The following ARHGEF10 variants were observed in gnomAD, a reference collection of about 807,000 sequenced individuals.
ARHGEF10 encodes the protein Rho guanine nucleotide exchange factor 10, also known as Rho guanine nucleotide exchange factor (GEF) 10.
In ARHGEF10, 140 loss-of-function variants were observed where a neutral mutation model predicts 147.4. That is an observed-to-expected ratio of 0.95 (90% CI 0.83 to 1.09). The LOEUF is 1.09. Ranked by LOEUF, ARHGEF10 falls within the 50% of genes least tolerant of loss-of-function variation. The pLI is 0.00. For synonymous variants in ARHGEF10, 902 were observed against 695.8 expected (o/e 1.30, Z -4.67); for missense variants, 2,222 against 1,752.7 (o/e 1.27, Z -4.78).
chr8:1,863,436 C>A (rs1288630068), intron 4 of ARHGEF10, among the ~76,000 whole-genome samples: 1 of 152,228 alleles, frequency 6.6e-6, no homozygotes, highest in Admixed American at 6.5e-5. Flanking sequence ...CGGTTGAGAA[C>A]TGTTGCTCAT....
Position 1,834,437 on chromosome 8 carries a change from GGA to G in ARHGEF10, c.-47-8910_-47-8909del, listed in dbSNP as rs375644170. 8.3e-3 allele frequency among the ~76,000 whole-genome samples: 1,267 copies of G among 152,204 alleles called. 11 individuals are homozygous for G. The highest frequency in any genetic ancestry group is 0.013 in the Non-Finnish European group (852 of 68,004). On this transcript the variant is annotated intron_variant, in intron 1 of 28. Transcript: ENST00000349830. ...GAGACACAGGCCCAGGGAGGACCCT[GGA>G]GAGAGGGGCTGCTGGGTGCCATGCG...
chr8:1,949,172 C>G (rs1814828930), intron 27 of ARHGEF10, among the ~76,000 whole-genome samples: 1 of 152,194 alleles, frequency 6.6e-6, no homozygotes, highest in Non-Finnish European at 1.5e-5. Context: ...TAACTCATGC[C>G]TTTTGTGTAA....
chr8:1,916,920 C>T (rs964145008), intron 18 of ARHGEF10, among the ~76,000 whole-genome samples: 1 of 152,176 alleles, frequency 6.6e-6, no homozygotes, highest in Non-Finnish European at 1.5e-5. Flanking sequence ...GTCCGTATAC[C>T]ACAGTTCTCT....
intron 13 of ARHGEF10, among the ~76,000 whole-genome samples, chr8:1,895,922 G>T (rs1033032783): frequency 2.0e-5 from 3 of 152,156 alleles, no homozygotes; most frequent in African/African-American, 4.8e-5. Flanking sequence ...CATTTCTAGG[G>T]TGTGGTTGAG....
At chr8:1,891,879 C>T (rs1359882799) in intron 11 of ARHGEF10, among the ~76,000 whole-genome samples, 3 of 151,588 alleles carry the variant, frequency 2.0e-5, no homozygotes, top group Non-Finnish European at 4.4e-5. Flanking sequence ...TAATATTATA[C>T]CTATTCCAGA....
Position 1,957,153 on chromosome 8 carries a change from G to A in ARHGEF10, c.3925G>A (p.Val1309Ile). Residue 1309 changes from valine to isoleucine, a missense_variant, in exon 29 of 29, where the codon GTC becomes ATC. Coordinates refer to ENST00000349830, the MANE Select transcript of ARHGEF10 (RefSeq NM_014629.4). ...KKAKASSALVVCGGQGHRRVH... is the reference protein window; with the variant it reads ...KKAKASSALVICGGQGHRRVH... Reference sequence around the variant, plus strand: ...AGCCAAGGCCAGCTCGGCGCTGGTGGTCTGTGGAGGGCAGGGCCACCGCCG... The same window carrying A: ...AGCCAAGGCCAGCTCGGCGCTGGTGATCTGTGGAGGGCAGGGCCACCGCCG... The A allele has an allele frequency of 6.2e-7, 1 of 1,612,778 alleles. No homozygotes were observed. Among genetic ancestry groups the A allele is most frequent in the Non-Finnish European group, 8.5e-7 (1 of 1,180,036 alleles).
At chr8:1,888,083 C>T (rs1177587285) in intron 11 of ARHGEF10, among the ~76,000 whole-genome samples, 4 of 130,852 alleles carry the variant, frequency 3.1e-5, no homozygotes, top group Non-Finnish European at 4.9e-5. Flanking sequence ...TATGAGGAGA[C>T]ACTAGGTAGG....
chr8:1,844,562 G>A (rs1011500105), intron 2 of ARHGEF10, among the ~76,000 whole-genome samples: 5 of 149,040 alleles, frequency 3.4e-5, no homozygotes, highest in African/African-American at 1.2e-4. Context: ...AACCAGGCCT[G>A]GAAGTCCAGC....
In ARHGEF10 at chr8:1,948,854, C is replaced by T. The variant is rs932249230; in HGVS notation, c.3397+3199C>T. On this transcript the variant is annotated intron_variant, in intron 27 of 28. Coordinates refer to ENST00000349830, the MANE Select transcript of ARHGEF10 (RefSeq NM_014629.4). This position sits in a 1 kb window ranked among gnomAD's most constrained non-coding sequence, Gnocchi z 4.9. The stretch of plus-strand genomic sequence containing the variant: ...GGCATGCTCATACCGTGCTGAAGTG[C>T]GCGGATGCTGAGGTCGCCGGGCCGT... 6.6e-6 allele frequency among the ~76,000 whole-genome samples: 1 copy of T among 152,152 alleles called. No individual in the cohort carries two copies. Among genetic ancestry groups the T allele is most frequent in the Non-Finnish European group, 1.5e-5 (1 of 68,036 alleles).
Position 1,914,189 on chromosome 8 carries a change from C to T in ARHGEF10, c.2143+4719C>T, listed in dbSNP as rs1447289139. 2.0e-5 allele frequency among the ~76,000 whole-genome samples: 3 copies of T among 152,346 alleles called. No homozygotes were observed. The South Asian group carries it at 6.2e-4, about 32-fold the overall frequency. ...ACAGCTGAATATACACCTGACTGATCCTCCTGAAGTAGAAGGCAGCAGGAG... is the reference window on the plus strand; with the variant it reads ...ACAGCTGAATATACACCTGACTGATTCTCCTGAAGTAGAAGGCAGCAGGAG... On this transcript the variant is annotated intron_variant, in intron 18 of 28. Coordinates refer to ENST00000349830, the MANE Select transcript of ARHGEF10 (RefSeq NM_014629.4).
chr8:1,839,846 GAA>G (rs1803865300), intron 1 of ARHGEF10, among the ~76,000 whole-genome samples: 3 of 148,298 alleles, frequency 2.0e-5, no homozygotes, highest in African/African-American at 5.0e-5. Context: ...GTCTGGTGTG[GAA>G]GCTGTCTGGT....
rs774468253 is a variant in ARHGEF10, at chr8:1,857,513, G to A, written c.38-447G>A. Among the ~76,000 whole-genome samples, 5 of 150,980 alleles carry A rather than the reference G, an allele frequency of 3.3e-5. No homozygotes were observed. The South Asian group carries it at 6.3e-4, about 19-fold the overall frequency. On this transcript the variant is annotated intron_variant, in intron 2 of 28. Coordinates refer to ENST00000349830, the MANE Select transcript of ARHGEF10 (RefSeq NM_014629.4). ...CGGTTCACTGCAACCTCCGCCTCTCGGGTTCAAGCCATTCTCCTGCCCCAC... is the reference window on the plus strand; with the variant it reads ...CGGTTCACTGCAACCTCCGCCTCTCAGGTTCAAGCCATTCTCCTGCCCCAC...
intron 8 of ARHGEF10, 38 bp downstream of exon 8, chr8:1,876,772 G>A (rs754161840): frequency 1.2e-5 from 19 of 1,607,056 alleles, no homozygotes; most frequent in East Asian, 8.9e-5. Context: ...TGGTTCTCTC[G>A]CGTTAACACG....
rs1563148204 is a variant in ARHGEF10, at chr8:1,832,648, A to ACAGAGGCAGAGAGAGACAGAGGCAGAGG, written c.-48+8540_-48+8541insGCAGAGAGAGACAGAGGCAGAGGCAGAG. On this transcript the variant is annotated intron_variant, in intron 1 of 28. Transcript: ENST00000349830. Reference sequence around the variant, plus strand: ...GAGAGAGACAGAGGCAGAGGCAGAGACAGAGAGAGACAGAGGCAGAGACAG... The same window carrying ACAGAGGCAGAGAGAGACAGAGGCAGAGG: ...GAGAGAGACAGAGGCAGAGGCAGAGACAGAGGCAGAGAGAGACAGAGGCAGAGGCAGAGAGAGACAGAGGCAGAGACAG... 1.6e-3 allele frequency among the ~76,000 whole-genome samples: 156 copies of ACAGAGGCAGAGAGAGACAGAGGCAGAGG among 96,408 alleles called. 58 individuals carry two copies. The highest frequency in any genetic ancestry group is 2.5e-3 in the Non-Finnish European group (107 of 43,040). 63.2% of individuals were successfully genotyped at this position (96,408 alleles called of 152,430 possible).
chr8:1,890,664 GGT>G (rs1809453345), intron 11 of ARHGEF10, among the ~76,000 whole-genome samples: 1 of 151,410 alleles, frequency 6.6e-6, no homozygotes, highest in African/African-American at 2.4e-5. Context: ...CACTAAGTGG[GGT>G]GTGAGGGGTC....
intron 18 of ARHGEF10, among the ~76,000 whole-genome samples, chr8:1,919,497 C>A (rs1468911023): frequency 1.4e-5 from 2 of 145,174 alleles, no homozygotes; most frequent in Non-Finnish European, 3.0e-5. Flanking sequence ...TGGAGCTGTT[C>A]CGTGGGTGAT....
intron 10 of ARHGEF10, among the ~76,000 whole-genome samples, chr8:1,883,126 G>T (rs1362707992): frequency 6.6e-6 from 1 of 152,186 alleles, no homozygotes; most frequent in Admixed American, 6.5e-5. Context: ...TCCTGAACTG[G>T]CATTTCAGGA....
rs199744357 is a variant in ARHGEF10 at position 1,903,936 on chromosome 8, G to GA, written c.1821+495dup. On this transcript the variant is annotated intron_variant, in intron 16 of 28. Transcript: ENST00000349830. Reference sequence around the variant, plus strand: ...TAGTGAGAACCCATATCTAAAAAAAGAAAAAAAAAATAGCTGGGCACAGTG... The same window carrying GA: ...TAGTGAGAACCCATATCTAAAAAAAGAAAAAAAAAAATAGCTGGGCACAGTG... 8.6e-3 allele frequency: 1,615 copies of GA among 187,214 alleles called. 15 individuals carry two copies. Among genetic ancestry groups the GA allele is most frequent in the African/African-American group, 0.024 (977 of 40,666 alleles). 11.6% of individuals were successfully genotyped at this position (187,214 alleles called of 1,614,324 possible). A position where few individuals can be genotyped will look rare whatever the true frequency, so the allele number is the denominator to read the frequency against.
chr8:1,844,922 A>G (rs576367233), intron 2 of ARHGEF10, among the ~76,000 whole-genome samples: 3 of 152,218 alleles, frequency 2.0e-5, no homozygotes, highest in Non-Finnish European at 2.9e-5. Flanking sequence ...TAATAATGTA[A>G]TAATAATTAG....
Sources: allele counts gnomAD v4.1 joint callset (sites outside exome capture counted in the v4.1 genomes callset), GRCh38; gene constraint gnomAD v4.1.1; non-coding constraint Gnocchi (gnomAD v3.1); transcripts MANE v1.5; gene names NCBI Gene and HGNC (gene_info 2026-07-23, HGNC 2026-07-21).